ITIH2: variants seen among roughly 807,000 people sequenced by gnomAD.
The protein encoded by ITIH2 is inter-alpha-trypsin inhibitor heavy chain 2.
A neutral mutation model predicts 104.4 loss-of-function variants in ITIH2; 103 were observed. That is an observed-to-expected ratio of 0.99 (90% CI 0.84 to 1.16). ITIH2 has a LOEUF of 1.16. ITIH2 is among the 50% of genes most tolerant of loss of function. ITIH2 has a pLI of 0.00. For synonymous variants in ITIH2, 436 were observed against 435.4 expected, an observed-to-expected ratio of 1.00 and a Z score of -0.02; for missense variants, 1,108 against 1,162.4, an observed-to-expected ratio of 0.95 and a Z score of 0.68.
chr10:7,738,851 G>C (rs1010577050), intron 16 of ITIH2, 93 bp downstream of exon 16: 7 of 1,289,676 alleles, frequency 5.4e-6, no homozygotes, highest in Non-Finnish European at 7.3e-6. Flanking sequence ...AGCGGCTCAC[G>C]CCTGTAATCG....
intron 5 of ITIH2, among the ~76,000 whole-genome samples, chr10:7,713,642 T>C (rs1298424556): frequency 1.3e-5 from 2 of 152,158 alleles, no homozygotes; most frequent in East Asian, 3.8e-4. Context: ...GAAGGAAAAG[T>C]TTGAAATTTG....
In ITIH2 at chr10:7,734,988, C is replaced by G; in HGVS notation, c.1854C>G (p.Asp618Glu). 6.2e-7 allele frequency: 1 copy of G among 1,613,882 alleles called. No individual in the cohort carries two copies. Among genetic ancestry groups the G allele is most frequent in the Non-Finnish European group, 8.5e-7 (1 of 1,179,962 alleles). The change falls in exon 15 of 21, where the codon GAC becomes GAG. Residue 618 changes from aspartate to glutamate, a missense_variant. Physicochemically the swap from Asp to Glu is conservative, Grantham distance 45. Transcript: ENST00000358415. ...ITRSILQMSL[D>E]HHIVTPLTSL... is the part of the protein sequence containing the mutation. ...GATCGATCCTGCAGATGTCTCTAGA[C>G]CACCACATTGTGACTCCGCTGACCT... is the stretch of plus-strand genomic sequence containing the variant.
At chr10:7,722,862 G>A (rs1834917292) in intron 8 of ITIH2, among the ~76,000 whole-genome samples, 1 of 152,204 alleles carries the variant, frequency 6.6e-6, no homozygotes, top group Admixed American at 6.5e-5. Flanking sequence ...TCCTCTGCTG[G>A]CTGGGAGCCT....
intron 9 of ITIH2, 21 bp from the exon 10 acceptor site, chr10:7,726,929 C>T (rs552493791): frequency 6.3e-7 from 1 of 1,575,886 alleles, no homozygotes; most frequent in East Asian, 2.3e-5. Context: ...TGGGACCTGT[C>T]TTTATTCTCT....
At chr10:7,745,134 A>T (rs1367746704) in intron 19 of ITIH2, among the ~76,000 whole-genome samples, 171 bp downstream of exon 19, 1 of 152,202 alleles carries the variant, frequency 6.6e-6, no homozygotes, top group East Asian at 1.9e-4. Flanking sequence ...ACCTTTTGCC[A>T]TTCCAGACAA....
At chr10:7,728,003 C>T (rs1204199627) in intron 11 of ITIH2, among the ~76,000 whole-genome samples, 175 bp downstream of exon 11, 2 of 152,216 alleles carry the variant, frequency 1.3e-5, no homozygotes, top group Non-Finnish European at 2.9e-5. Flanking sequence ...TAAGCTACTG[C>T]TCAGACACTT....
At chr10:7,739,523 A>C (rs1467365003) in intron 16 of ITIH2, among the ~76,000 whole-genome samples, 2 of 152,130 alleles carry the variant, frequency 1.3e-5, no homozygotes. Flanking sequence ...CTGGTTCTCC[A>C]GGTTGTATGC....
At chr10:7,747,950 A>G (rs1295756770) in intron 20 of ITIH2, among the ~76,000 whole-genome samples, 1 of 151,890 alleles carries the variant, frequency 6.6e-6, no homozygotes, top group Admixed American at 6.6e-5. Context: ...TCACGCCTGT[A>G]ATCCCAGCAC....
At chr10:7,748,374 A>C (rs944917291) in intron 20 of ITIH2, among the ~76,000 whole-genome samples, 2 of 149,658 alleles carry the variant, frequency 1.3e-5, no homozygotes, top group Non-Finnish European at 3.0e-5. Context: ...TGATACTTTT[A>C]AGTCTCGTTC....
At chr10:7,746,219 C>CA (rs1835176402) in intron 19 of ITIH2, among the ~76,000 whole-genome samples, 1 of 150,702 alleles carries the variant, frequency 6.6e-6, no homozygotes, top group African/African-American at 2.4e-5. Context: ...CCTGTCTCTA[C>CA]AAAAAATTAG....
rs1835005457 is a variant in ITIH2, at chr10:7,731,825, G to T, written c.1476G>T (p.Gln492His). Residue 492 changes from glutamine to histidine, a missense_variant, in exon 13 of 21, where the codon CAG becomes CAT. By Grantham distance (24) the Gln-to-His change is conservative. Transcript: ENST00000358415. The stretch of plus-strand genomic sequence containing the variant: ...GTGAATTGTAGAAATTCTACAACCA[G>T]GTCTCCACTCCATTGCTCCGGAATG... Reference protein sequence around the residue: ...TSSQLKKFYNQVSTPLLRNVQ... With the variant: ...TSSQLKKFYNHVSTPLLRNVQ... 1 of 1,605,634 alleles carries T rather than the reference G, an allele frequency of 6.2e-7. No homozygotes were observed. Among genetic ancestry groups the T allele is most frequent in the Non-Finnish European group, 8.5e-7 (1 of 1,175,420 alleles).
At chr10:7,719,794 A>G (rs565787693) in intron 6 of ITIH2, among the ~76,000 whole-genome samples, 17 of 149,556 alleles carry the variant, frequency 1.1e-4, no homozygotes, top group African/African-American at 3.9e-4. Flanking sequence ...GAAAGAAAGA[A>G]AAGAAAAAAT....
At chr10:7,713,152 C>A in intron 4 of ITIH2, 29 bp from the exon 5 acceptor site, 1 of 1,544,540 alleles carries the variant, frequency 6.5e-7, no homozygotes, top group Non-Finnish European at 8.9e-7. Context: ...ACTATTCTGA[C>A]CAACTGGTTA....
chr10:7,707,402 G>A (rs543460634), intron 3 of ITIH2, among the ~76,000 whole-genome samples, 169 bp downstream of exon 3: 2 of 152,098 alleles, frequency 1.3e-5, no homozygotes, highest in African/African-American at 4.8e-5. Flanking sequence ...ATTGAAGAGT[G>A]CAGTCTTTAC....
In ITIH2 at chr10:7,738,775, G is replaced by T. The variant is rs1835096805; in HGVS notation, c.2095+17G>T. 2 of 1,571,264 alleles carry T rather than the reference G, an allele frequency of 1.3e-6. No individual in the cohort carries two copies. The highest frequency in any genetic ancestry group is 1.7e-6 in the Non-Finnish European group (2 of 1,158,842). On this transcript the variant is annotated intron_variant, in intron 16 of 20. Coordinates refer to ENST00000358415, the MANE Select transcript of ITIH2 (RefSeq NM_002216.3). ...TGATGAGAGGTAACGCTTCTACACT[G>T]CTTGCACGTCCCAGAACTCAGCCGA...
intron 12 of ITIH2, among the ~76,000 whole-genome samples, chr10:7,731,209 G>A (rs990995462): frequency 1.3e-5 from 2 of 152,030 alleles, no homozygotes; most frequent in Non-Finnish European, 2.9e-5. Context: ...AAGCCACCAT[G>A]CCCGACCTCC....
chr10:7,739,352 C>T lies in ITIH2; in HGVS notation c.2095+594C>T, dbSNP rs186567604. Among the ~76,000 whole-genome samples the T allele has an allele frequency of 3.3e-4, 50 of 152,282 alleles. 3 individuals carry two copies. The highest frequency in any genetic ancestry group is 2.5e-3 in the East Asian group (13 of 5,186). On this transcript the variant is annotated intron_variant, in intron 16 of 20. Transcript: ENST00000358415. The stretch of plus-strand genomic sequence containing the variant: ...TTGATTAGAAAAAAGTAAATTTCAA[C>T]ATTCAAAGACAGAGCACATCCCTCT...
chr10:7,708,295 G>C (rs955362149), intron 3 of ITIH2, among the ~76,000 whole-genome samples: 54 of 152,274 alleles, frequency 3.5e-4, no homozygotes, highest in African/African-American at 1.3e-3. Flanking sequence ...GAAAGGTGTG[G>C]GTTTCTAGGA....
chr10:7,744,974 T>A lies in ITIH2; in HGVS notation c.2581+11T>A. The A allele has an allele frequency of 6.2e-7, 1 of 1,611,466 alleles. No individual in the cohort carries two copies. Among genetic ancestry groups the A allele is most frequent in the Non-Finnish European group, 8.5e-7 (1 of 1,178,002 alleles). ...CCCACGGACTAATAGGTAAAGTGTC[T>A]ATTGACCATCTGACAAGGGTGGGGC... On this transcript the variant is annotated intron_variant, in intron 19 of 20. Coordinates refer to ENST00000358415, the MANE Select transcript of ITIH2 (RefSeq NM_002216.3).
Sources: gnomAD v4.1 joint callset for allele counts (sites outside exome capture counted in the v4.1 genomes callset) on GRCh38, gnomAD v4.1.1 for gene constraint, MANE v1.5 for transcripts, NCBI Gene and HGNC (gene_info 2026-07-23, HGNC 2026-07-21) for gene names.